The following ARHGAP15 variants were observed in gnomAD, a reference collection of about 807,000 sequenced individuals.
ARHGAP15 encodes rho GTPase-activating protein 15.
In ARHGAP15, 51 loss-of-function variants were observed where a neutral mutation model predicts 63.7. That is an observed-to-expected ratio of 0.80 (90% CI 0.64 to 1.01). The LOEUF is 1.01. ARHGAP15 is among the 50% of genes least tolerant of loss of function. The pLI is 0.00. For synonymous variants in ARHGAP15, 191 were observed against 193.8 expected (o/e 0.99, Z 0.12); for missense variants, 560 against 564.6 (o/e 0.99, Z 0.08).
chr2:143,298,862 A>G (rs962403751), intron 6 of ARHGAP15, among the ~76,000 whole-genome samples: 2 of 151,932 alleles, frequency 1.3e-5, no homozygotes, highest in African/African-American at 4.8e-5. Flanking sequence ...TACACTTATT[A>G]TCTTATTTAA....
At chr2:143,646,038 C>A (rs1680858485) in intron 12 of ARHGAP15, among the ~76,000 whole-genome samples, 1 of 152,016 alleles carries the variant, frequency 6.6e-6, no homozygotes, top group Non-Finnish European at 1.5e-5. Context: ...TGAAGGATTT[C>A]TTCAGCACGC....
chr2:143,414,174 C>A (rs1688582756), intron 6 of ARHGAP15, among the ~76,000 whole-genome samples: 1 of 150,030 alleles, frequency 6.7e-6, no homozygotes, highest in African/African-American at 2.4e-5. Flanking sequence ...TCAAAATAAC[C>A]CCAAAGAAAA....
chr2:143,290,341 A>G (rs1160667286), intron 6 of ARHGAP15, among the ~76,000 whole-genome samples: 1 of 152,070 alleles, frequency 6.6e-6, no homozygotes, highest in East Asian at 1.9e-4. Flanking sequence ...TGGTAATGTA[A>G]GGGAATAAAG....
At chr2:143,537,514 C>A (rs1473799546) in intron 10 of ARHGAP15, among the ~76,000 whole-genome samples, 2 of 152,196 alleles carry the variant, frequency 1.3e-5, no homozygotes, top group Admixed American at 6.6e-5. Flanking sequence ...GGTTTTAGAT[C>A]TAACATGTAA....
Position 143,707,095 on chromosome 2 carries a change from A to G in ARHGAP15, c.1244+3571A>G, listed in dbSNP as rs1295607739. On this transcript the variant is annotated intron_variant, in intron 13 of 13. Transcript: ENST00000295095. ...CTAGGGAATCGTTAACCTTTTATGA[A>G]CCAGAAAATTGCATGATGTGCTCAG... Among the ~76,000 whole-genome samples, 6 of 152,294 alleles carry G rather than the reference A, an allele frequency of 3.9e-5. No homozygotes were observed. The South Asian group carries it at 8.3e-4, about 21-fold the overall frequency.
chr2:143,661,598 A>T (rs1468247252), intron 12 of ARHGAP15, among the ~76,000 whole-genome samples: 3 of 152,200 alleles, frequency 2.0e-5, no homozygotes. Flanking sequence ...GAACAGCTCC[A>T]GTCTACAGCT....
chr2:143,270,830 C>T (rs1465232391), intron 6 of ARHGAP15, among the ~76,000 whole-genome samples: 1 of 152,044 alleles, frequency 6.6e-6, no homozygotes, highest in Non-Finnish European at 1.5e-5. Context: ...TTGTAAGTAA[C>T]CTCTTTGGCA....
At chr2:143,242,888 T>G (rs1156329422) in intron 5 of ARHGAP15, among the ~76,000 whole-genome samples, 1 of 152,200 alleles carries the variant, frequency 6.6e-6, no homozygotes, top group African/African-American at 2.4e-5. Flanking sequence ...AGTTATGTGA[T>G]AAAACTTAAT....
intron 6 of ARHGAP15, among the ~76,000 whole-genome samples, chr2:143,384,865 G>A (rs766312845): frequency 3.3e-5 from 5 of 152,096 alleles, no homozygotes; most frequent in African/African-American, 4.8e-5. Flanking sequence ...ATGGGGGTTG[G>A]GGGGAGGAAA....
chr2:143,164,518 T>G lies in ARHGAP15; in HGVS notation c.165+8863T>G, dbSNP rs1489109224. ...AATAGGTTTATTGGGGGAAGAGATATGGAATTTGATTTGCAATAGGACATA... is the reference window on the plus strand; with the variant it reads ...AATAGGTTTATTGGGGGAAGAGATAGGGAATTTGATTTGCAATAGGACATA... On this transcript the variant is annotated intron_variant, in intron 2 of 13. Transcript: ENST00000295095. Among the ~76,000 whole-genome samples, 3 of 151,954 alleles carry G rather than the reference T, an allele frequency of 2.0e-5. 1 individual carries two copies. The highest frequency in any genetic ancestry group is 1.5e-5 in the Non-Finnish European group (1 of 67,958).
intron 11 of ARHGAP15, among the ~76,000 whole-genome samples, chr2:143,588,928 T>C (rs926812480): frequency 6.6e-6 from 1 of 152,190 alleles, no homozygotes; most frequent in African/African-American, 2.4e-5. Context: ...GCCCTTTTTA[T>C]AACCTACTTC....
At chr2:143,430,727 T>G (rs1689348488) in intron 6 of ARHGAP15, among the ~76,000 whole-genome samples, 1 of 152,082 alleles carries the variant, frequency 6.6e-6, no homozygotes, top group Non-Finnish European at 1.5e-5. Context: ...TTTTACTTAA[T>G]TTAACTCAAA....
At chr2:143,363,928 T>C (rs1485291099) in intron 6 of ARHGAP15, among the ~76,000 whole-genome samples, 2 of 152,184 alleles carry the variant, frequency 1.3e-5, no homozygotes, top group Non-Finnish European at 2.9e-5. Context: ...GTTTGAACAG[T>C]GAAACTTATT....
At chr2:143,481,277 A>C (rs1198645780) in intron 8 of ARHGAP15, among the ~76,000 whole-genome samples, 1 of 152,136 alleles carries the variant, frequency 6.6e-6, no homozygotes, top group African/African-American at 2.4e-5. Context: ...TCTCAATGTC[A>C]AACCTCACCG....
chr2:143,365,497 G>C (rs1410662790), intron 6 of ARHGAP15, among the ~76,000 whole-genome samples: 1 of 152,130 alleles, frequency 6.6e-6, no homozygotes, highest in Non-Finnish European at 1.5e-5. Context: ...TAATTGTCAG[G>C]CATATCAGAC....
At chr2:143,167,105 A>G (rs938066242) in intron 2 of ARHGAP15, among the ~76,000 whole-genome samples, 1 of 152,102 alleles carries the variant, frequency 6.6e-6, no homozygotes, top group Admixed American at 6.6e-5. Flanking sequence ...ACTTCTACAG[A>G]GCATTCAAAA....
At chr2:143,332,341 G>T (rs1207517967) in intron 6 of ARHGAP15, among the ~76,000 whole-genome samples, 3 of 151,916 alleles carry the variant, frequency 2.0e-5, no homozygotes. Flanking sequence ...AGATATAACT[G>T]CCTTTCATAA....
At chr2:143,195,460 C>T (rs1469907568) in intron 2 of ARHGAP15, among the ~76,000 whole-genome samples, 2 of 151,566 alleles carry the variant, frequency 1.3e-5, no homozygotes, top group Non-Finnish European at 2.9e-5. Flanking sequence ...CATGTGTCCA[C>T]AAATAGTTAA....
intron 10 of ARHGAP15, among the ~76,000 whole-genome samples, chr2:143,531,624 C>G (rs1694528083): frequency 1.3e-5 from 2 of 152,172 alleles, no homozygotes; most frequent in South Asian, 4.1e-4. Context: ...AAGGCCTAAC[C>G]TGCTAACTTG....
Sources: gnomAD v4.1 joint callset for allele counts (sites outside exome capture counted in the v4.1 genomes callset) on GRCh38, gnomAD v4.1.1 for gene constraint, MANE v1.5 for transcripts, NCBI Gene and HGNC (gene_info 2026-07-23, HGNC 2026-07-21) for gene names.